The following TSPEAR variants were observed in gnomAD, a reference collection of about 807,000 sequenced individuals.
TSPEAR encodes thrombospondin-type laminin G domain and EAR repeat-containing protein.
A neutral mutation model predicts 71.6 loss-of-function variants in TSPEAR; 69 were observed. That is an observed-to-expected ratio of 0.96 (90% CI 0.79 to 1.18). The LOEUF (loss-of-function observed/expected upper bound fraction) is 1.18. Ranked by LOEUF, TSPEAR falls within the 50% of genes most tolerant of loss-of-function variation. The pLI is 0.00. For missense variants in TSPEAR, 971 were observed against 894.9 expected (o/e 1.09, Z -1.09); for synonymous variants, 402 against 387.2 (o/e 1.04, Z -0.45).
chr21:44,577,510 G>T (rs782742761), intron 1 of TSPEAR, among the ~76,000 whole-genome samples: 3 of 152,182 alleles, frequency 2.0e-5, no homozygotes, highest in Non-Finnish European at 1.5e-5. Flanking sequence ...AGAGAGGAGG[G>T]AGTGCCAGGC....
rs1555931427 is a variant in TSPEAR at position 44,612,544 on chromosome 21, G to A, written c.83-44539C>T. On this transcript the variant is annotated intron_variant, in intron 1 of 11. Coordinates refer to ENST00000323084, the MANE Select transcript of TSPEAR (RefSeq NM_144991.3). This position sits in a 1 kb window ranked among gnomAD's most constrained non-coding sequence, Gnocchi z 4.1. ...GAGCTTCCTCCCCATGCTGCCAGCA[G>A]TCTAGCTGCCAGTCAGCTTGCTGCA... 4 of 1,613,620 alleles carry A rather than the reference G, an allele frequency of 2.5e-6. No individual in the cohort carries two copies. Among genetic ancestry groups the A allele is most frequent in the East Asian group, 2.2e-5 (1 of 44,876 alleles).
intron 1 of TSPEAR, among the ~76,000 whole-genome samples, chr21:44,709,673 G>A (rs936476652): frequency 6.6e-6 from 1 of 152,256 alleles, no homozygotes; most frequent in Non-Finnish European, 1.5e-5. Context: ...CTGAGACGGC[G>A]CAGCCACGGC....
chr21:44,701,973 C>T (rs1272611278), intron 1 of TSPEAR, among the ~76,000 whole-genome samples: 4 of 152,172 alleles, frequency 2.6e-5, no homozygotes, highest in Admixed American at 6.5e-5. Flanking sequence ...GTTTTCCTTC[C>T]GTGAGATCCA....
intron 1 of TSPEAR, among the ~76,000 whole-genome samples, chr21:44,670,256 T>TG (rs587610141): frequency 1.3e-5 from 2 of 151,970 alleles, no homozygotes; most frequent in African/African-American, 2.4e-5. Context: ...GGTTCATAGG[T>TG]GGGGGGGTTG....
At chr21:44,646,598 G>A (rs587701784) in intron 1 of TSPEAR, 2 of 1,612,628 alleles carry the variant, frequency 1.2e-6, no homozygotes, top group Admixed American at 1.7e-5. Flanking sequence ...AGCCTGGTCT[G>A]CACCCCAGTG....
Position 44,527,505 on chromosome 21 carries a change from C to A in TSPEAR, c.936G>T (p.Leu312=), listed in dbSNP as rs2052881572. The A allele has an allele frequency of 1.2e-6, 2 of 1,614,220 alleles. No individual in the cohort carries two copies. Among genetic ancestry groups the A allele is most frequent in the East Asian group, 4.5e-5 (2 of 44,896 alleles). The change falls in exon 7 of 12, where the codon CTG becomes CTT. Residue 312 remains leucine (L), a synonymous_variant. Coordinates refer to ENST00000323084, the MANE Select transcript of TSPEAR (RefSeq NM_144991.3). ...AGTTCTGATGCTCCTCCACGTAGTC[C>A]AGTCTTTCTTTGGCTTGTGATAGAA... ...WVSVLAAKER[L]DYVEEHQNLS... is the part of the protein sequence containing the mutation.
chr21:44,530,061 G>T, intron 4 of TSPEAR, 107 bp from the exon 5 acceptor site: 1 of 1,187,316 alleles, frequency 8.4e-7, no homozygotes, highest in Non-Finnish European at 1.1e-6. Context: ...AGGCTCGGGT[G>T]GATGGAATCT....
chr21:44,592,240 G>T (rs782094702), intron 1 of TSPEAR: 3 of 1,598,552 alleles, frequency 1.9e-6, no homozygotes. Context: ...GCAGGAGCTG[G>T]TGCAGCCTGA....
chr21:44,629,613 G>A (rs1348592980), intron 1 of TSPEAR, among the ~76,000 whole-genome samples: 1 of 152,226 alleles, frequency 6.6e-6, no homozygotes, highest in Non-Finnish European at 1.5e-5. Flanking sequence ...TGGCAGTGAG[G>A]CCACCTGTGC....
intron 2 of TSPEAR, among the ~76,000 whole-genome samples, chr21:44,556,301 G>A (rs1056376743): frequency 2.0e-5 from 3 of 152,028 alleles, no homozygotes; most frequent in Admixed American, 6.6e-5. Context: ...GCTTGAACCC[G>A]GGAGGCAGAA....
intron 2 of TSPEAR, among the ~76,000 whole-genome samples, chr21:44,566,595 T>G (rs2146068761): frequency 6.6e-6 from 1 of 152,266 alleles, no homozygotes; most frequent in South Asian, 2.1e-4. Flanking sequence ...GTTCCCAATT[T>G]AAAGATTTAC....
chr21:44,525,811 G>C lies in TSPEAR; in HGVS notation c.1178C>G (p.Pro393Arg), dbSNP rs373638335. Residue 393 changes from proline to arginine, a missense_variant, in exon 8 of 12, where the codon CCA becomes CGA. Coordinates refer to ENST00000323084, the MANE Select transcript of TSPEAR (RefSeq NM_144991.3). ...KIFLAVANFE[P>R]DEKGQEFSVI... ...AGAGAACTCCTGACCCTTCTCATCT[G>C]GTTCAAAATTAGCCACTGCCAGGAA... 1.9e-6 allele frequency: 3 copies of C among 1,613,982 alleles called. No individual in the cohort carries two copies. Among genetic ancestry groups the C allele is most frequent in the Non-Finnish European group, 2.5e-6 (3 of 1,179,988 alleles).
In TSPEAR at chr21:44,551,944, C is replaced by T. The variant is rs587756944; in HGVS notation, c.303+15841G>A. ...TGGAGGTGCCTGTGTTGGGAAAAGA[C>T]GCTTGAGGACAGCGCTTCCTGGCGG... is the stretch of plus-strand genomic sequence containing the variant. On this transcript the variant is annotated intron_variant, in intron 2 of 11. Coordinates refer to ENST00000323084, the MANE Select transcript of TSPEAR (RefSeq NM_144991.3). 1.2e-4 allele frequency among the ~76,000 whole-genome samples: 19 copies of T among 152,300 alleles called. No individual in the cohort carries two copies. The East Asian group carries it at 2.9e-3, about 23-fold the overall frequency.
At chr21:44,559,523 G>A (rs587735755) in intron 2 of TSPEAR, among the ~76,000 whole-genome samples, 10 of 152,290 alleles carry the variant, frequency 6.6e-5, no homozygotes, top group South Asian at 6.2e-4. Context: ...CTCACATCTC[G>A]GGCAACATCA....
chr21:44,616,109 C>T (rs587661480), intron 1 of TSPEAR, among the ~76,000 whole-genome samples: 1 of 152,270 alleles, frequency 6.6e-6, no homozygotes, highest in East Asian at 1.9e-4. Flanking sequence ...TCGGCGGGCA[C>T]CTCCCAGCGG....
At chr21:44,682,549 C>A (rs1470117019) in intron 1 of TSPEAR, among the ~76,000 whole-genome samples, 1 of 152,184 alleles carries the variant, frequency 6.6e-6, no homozygotes, top group African/African-American at 2.4e-5. Flanking sequence ...TGAATATAGA[C>A]AATGAAATCA....
chr21:44,621,731 A>G (rs1377890419), intron 1 of TSPEAR, among the ~76,000 whole-genome samples: 1 of 152,266 alleles, frequency 6.6e-6, no homozygotes, highest in Non-Finnish European at 1.5e-5. Flanking sequence ...CAGCAGGGAA[A>G]GTATTTGGGT....
chr21:44,561,955 A>G lies in TSPEAR; in HGVS notation c.303+5830T>C, dbSNP rs141891570. On this transcript the variant is annotated intron_variant, in intron 2 of 11. Coordinates refer to ENST00000323084, the MANE Select transcript of TSPEAR (RefSeq NM_144991.3). ...ATACCCTCTCTCATCACTCCTATTC[A>G]ACATAGTATTAGAAATTCTGAACAG... is the stretch of plus-strand genomic sequence containing the variant. Among the ~76,000 whole-genome samples the G allele has an allele frequency of 4.7e-4, 71 of 152,348 alleles. 1 individual carries two copies. In the East Asian group the frequency reaches 0.011, roughly 23 times the overall value.
chr21:44,604,274 C>G (rs587595083), intron 1 of TSPEAR, among the ~76,000 whole-genome samples: 1 of 152,208 alleles, frequency 6.6e-6, no homozygotes, highest in Admixed American at 6.5e-5. Flanking sequence ...GTTTCTGAAC[C>G]AGCATTGATG....
Sources: gnomAD v4.1 joint callset for allele counts (sites outside exome capture counted in the v4.1 genomes callset) on GRCh38, gnomAD v4.1.1 for gene constraint, Gnocchi (gnomAD v3.1) non-coding constraint, MANE v1.5 for transcripts, NCBI Gene and HGNC (gene_info 2026-07-23, HGNC 2026-07-21) for gene names.